The following PFDN1 variants were observed in gnomAD, a reference collection of about 807,000 sequenced individuals.
PFDN1 encodes the protein prefoldin subunit 1.
In PFDN1, 6 loss-of-function variants were observed where a neutral mutation model predicts 17.3. That is an observed-to-expected ratio of 0.35 (90% CI 0.19 to 0.69). The LOEUF is 0.69. PFDN1 is among the 30% of genes least tolerant of loss of function. The pLI is 0.65. For synonymous variants in PFDN1, 58 were observed against 50.1 expected (o/e 1.16, Z -0.67); for missense variants, 113 against 146.2 (o/e 0.77, Z 1.17).
At chr5:140,246,928 A>C (rs761068904) in intron 3 of PFDN1, among the ~76,000 whole-genome samples, 2 of 152,108 alleles carry the variant, frequency 1.3e-5, no homozygotes, top group Non-Finnish European at 2.9e-5. Flanking sequence ...GAATACTCAA[A>C]ATTATCACCT....
intron 2 of PFDN1, among the ~76,000 whole-genome samples, chr5:140,296,191 G>C (rs1442940991): frequency 6.6e-6 from 1 of 152,038 alleles, no homozygotes; most frequent in Non-Finnish European, 1.5e-5. Context: ...ATTAAAATAG[G>C]ATAATAAACT....
At chr5:140,299,736 C>CG (rs1162762138) in intron 2 of PFDN1, among the ~76,000 whole-genome samples, 1 of 151,912 alleles carries the variant, frequency 6.6e-6, no homozygotes, top group African/African-American at 2.4e-5. Flanking sequence ...TTTAACCTGC[C>CG]GGGTGTGGTG....
At chr5:140,291,031 A>G (rs1417785477) in intron 2 of PFDN1, among the ~76,000 whole-genome samples, 1 of 152,220 alleles carries the variant, frequency 6.6e-6, no homozygotes, top group Non-Finnish European at 1.5e-5. Context: ...AACAACCTGT[A>G]GGAAGAGAAA....
chr5:140,255,814 T>A (rs973034357), intron 3 of PFDN1, among the ~76,000 whole-genome samples: 3 of 152,188 alleles, frequency 2.0e-5, no homozygotes, highest in African/African-American at 7.2e-5. Context: ...ACCCTTTCTT[T>A]ACCTCTCAGT....
intron 2 of PFDN1, among the ~76,000 whole-genome samples, chr5:140,299,147 A>T (rs1381671506): frequency 6.6e-6 from 1 of 152,210 alleles, no homozygotes; most frequent in Non-Finnish European, 1.5e-5. Flanking sequence ...ACTCCTAATA[A>T]ATTAAGCAGG....
rs1269855615 is a variant in PFDN1, at chr5:140,245,883, G to A, written c.*91C>T. On this transcript the variant is annotated 3_prime_UTR_variant, in exon 4 of 4. Coordinates refer to ENST00000261813, the MANE Select transcript of PFDN1 (RefSeq NM_002622.5). ...AGGCCATCCAAATAAAGCATCCATC[G>A]GGGCAGAGGAGAAGCTGTTTCCCTG... 1.4e-5 allele frequency: 10 copies of A among 739,548 alleles called. No individual in the cohort carries two copies. The highest frequency in any genetic ancestry group is 5.4e-5 in the East Asian group (2 of 37,262). 45.8% of individuals were successfully genotyped at this position (739,548 alleles called of 1,614,324 possible).
chr5:140,302,495 G>T (rs1452135405), intron 1 of PFDN1, among the ~76,000 whole-genome samples: 1 of 152,070 alleles, frequency 6.6e-6, no homozygotes, highest in African/African-American at 2.4e-5. Context: ...TTTGTTTGAC[G>T]AGTCCTTCAA....
intron 3 of PFDN1, among the ~76,000 whole-genome samples, chr5:140,251,139 T>C (rs1764907630): frequency 6.6e-6 from 1 of 152,120 alleles, no homozygotes; most frequent in Non-Finnish European, 1.5e-5. Flanking sequence ...TTTCACCATG[T>C]TGGCCAGGCT....
At chr5:140,267,132 A>G (rs1459737077) in intron 3 of PFDN1, among the ~76,000 whole-genome samples, 1 of 152,198 alleles carries the variant, frequency 6.6e-6, no homozygotes, top group Non-Finnish European at 1.5e-5. Context: ...TTACAGTTAC[A>G]TGCAGGTGCA....
At position 140,290,765 on chromosome 5, in the gene PFDN1, C is replaced by T. The variant is rs76734716; in HGVS notation, c.201-9232G>A. 6.9e-3 allele frequency among the ~76,000 whole-genome samples: 1,048 copies of T among 152,096 alleles called. 16 individuals carry two copies. The highest frequency in any genetic ancestry group is 0.024 in the African/African-American group (979 of 41,478). ...GGTGGTTACATTTGTCAAAATTCAC[C>T]CAACTGTACTCCTAAAATGAATGCA... On this transcript the variant is annotated intron_variant, in intron 2 of 3. Coordinates refer to ENST00000261813, the MANE Select transcript of PFDN1 (RefSeq NM_002622.5).
chr5:140,257,744 A>C (rs186144594), intron 3 of PFDN1, among the ~76,000 whole-genome samples: 1 of 152,312 alleles, frequency 6.6e-6, no homozygotes, highest in Admixed American at 6.5e-5. Context: ...GGCACTCAGC[A>C]CTCCAAAGAG....
At chr5:140,261,550 C>T (rs1367523048) in intron 3 of PFDN1, among the ~76,000 whole-genome samples, 3 of 152,156 alleles carry the variant, frequency 2.0e-5, no homozygotes, top group Non-Finnish European at 4.4e-5. Context: ...CAAGCAAGAG[C>T]TCAAAGCCAC....
intron 3 of PFDN1, among the ~76,000 whole-genome samples, chr5:140,263,545 G>A (rs546478010): frequency 4.1e-4 from 63 of 152,028 alleles, no homozygotes; most frequent in African/African-American, 4.1e-4. Flanking sequence ...GCCATTTTAC[G>A]GACGAGTGTA....
chr5:140,274,071 G>A (rs1327876350), intron 3 of PFDN1: 1 of 170,050 alleles, frequency 5.9e-6, no homozygotes, highest in East Asian at 1.9e-4. Context: ...TCATCTGAAT[G>A]CTGACTTAAA....
intron 3 of PFDN1, among the ~76,000 whole-genome samples, chr5:140,264,011 A>C: frequency 2.8e-5 from 3 of 108,816 alleles, no homozygotes; most frequent in African/African-American, 3.7e-5. Context: ...TCAGAGTGAG[A>C]CTCCATCTCA....
rs559084601 is a variant in PFDN1, at chr5:140,276,009, G to A, written c.285+5440C>T. 1.8e-4 allele frequency among the ~76,000 whole-genome samples: 27 copies of A among 149,926 alleles called. No homozygotes were observed. In the South Asian group the frequency reaches 5.8e-3, roughly 32 times the overall value. ...CAACTTAATACAGGGTATCTCAGAA[G>A]AGAAATTGATGATGATGATGATGAT... is the stretch of plus-strand genomic sequence containing the variant. On this transcript the variant is annotated intron_variant, in intron 3 of 3. Coordinates refer to ENST00000261813, the MANE Select transcript of PFDN1 (RefSeq NM_002622.5).
chr5:140,256,658 C>CAAAAAAAAAA (rs757723797), intron 3 of PFDN1, among the ~76,000 whole-genome samples: 160 of 39,698 alleles, frequency 4.0e-3, no homozygotes, highest in East Asian at 7.9e-3. Flanking sequence ...CAAAAAATGA[C>CAAAAAAAAAA]AAAAAAAAAA....
In PFDN1 at chr5:140,245,882, C is replaced by T. The variant is rs1007051020; in HGVS notation, c.*92G>A. The stretch of plus-strand genomic sequence containing the variant: ...CAGGCCATCCAAATAAAGCATCCAT[C>T]GGGGCAGAGGAGAAGCTGTTTCCCT... On this transcript the variant is annotated 3_prime_UTR_variant, in exon 4 of 4. Coordinates refer to ENST00000261813, the MANE Select transcript of PFDN1 (RefSeq NM_002622.5). The T allele has an allele frequency of 1.6e-5, 12 of 736,460 alleles. No individual in the cohort carries two copies. The highest frequency in any genetic ancestry group is 1.3e-4 in the Admixed American group (6 of 47,354). The allele number at this position is 736,460 out of a possible 1,614,324, so 45.6% of individuals were successfully genotyped here. A position where few individuals can be genotyped will look rare whatever the true frequency, so the allele number is the denominator to read the frequency against.
At chr5:140,300,216 T>G (rs916739718) in intron 2 of PFDN1, among the ~76,000 whole-genome samples, 200 bp downstream of exon 2, 1 of 151,990 alleles carries the variant, frequency 6.6e-6, no homozygotes, top group East Asian at 2.0e-4. Context: ...ATCTTTGTAT[T>G]TGTGGTAGAT....
Sources: allele counts gnomAD v4.1 joint callset (sites outside exome capture counted in the v4.1 genomes callset), GRCh38; gene constraint gnomAD v4.1.1; transcripts MANE v1.5; gene names NCBI Gene and HGNC (gene_info 2026-07-23, HGNC 2026-07-21).